Variants in FER observed in about 807,000 individuals in gnomAD.
FER encodes the protein tyrosine-protein kinase Fer.
A neutral mutation model predicts 111.0 loss-of-function variants in FER; 63 were observed. The observed-to-expected ratio is 0.57, with a 90% CI of 0.46 to 0.70. FER has a LOEUF of 0.70. Among genes scored for constraint, FER ranks in the 30% least tolerant of loss-of-function variants. FER has a pLI of 0.00. For synonymous variants in FER, 327 were observed against 313.9 expected, an observed-to-expected ratio of 1.04 and a Z score of -0.44; for missense variants, 914 against 954.0, an observed-to-expected ratio of 0.96 and a Z score of 0.55.
chr5:109,085,640 A>G (rs1777481813), intron 16 of FER, among the ~76,000 whole-genome samples: 1 of 151,704 alleles, frequency 6.6e-6, no homozygotes, highest in Non-Finnish European at 1.5e-5. Context: ...ATTCTGAGAG[A>G]TAAGTGTTCA....
At chr5:109,184,982 T>C (rs561286668) in intron 18 of FER, among the ~76,000 whole-genome samples, 181 of 152,312 alleles carry the variant, frequency 1.2e-3, no homozygotes, top group African/African-American at 3.8e-3. Context: ...TGAAATAACT[T>C]AAGAAATCTT....
intron 11 of FER, among the ~76,000 whole-genome samples, chr5:108,951,186 C>T (rs1757690131): frequency 6.6e-6 from 1 of 152,008 alleles, no homozygotes; most frequent in Admixed American, 6.6e-5. Flanking sequence ...ATCACTTGGA[C>T]CCAGGAGGCA....
At chr5:108,910,718 A>C (rs1751431271) in intron 10 of FER, among the ~76,000 whole-genome samples, 1 of 152,006 alleles carries the variant, frequency 6.6e-6, no homozygotes, top group Non-Finnish European at 1.5e-5. Flanking sequence ...CCTGCTTATA[A>C]GTGAGAACAT....
intron 3 of FER, among the ~76,000 whole-genome samples, chr5:108,799,882 G>C (rs145102360): frequency 7.1e-4 from 99 of 140,420 alleles, no homozygotes; most frequent in Admixed American, 1.7e-3. Flanking sequence ...TCACTTTCTC[G>C]CCCAGGCTGG....
intron 13 of FER, among the ~76,000 whole-genome samples, chr5:109,030,180 T>G (rs1216163225): frequency 4.6e-5 from 7 of 152,212 alleles, no homozygotes; most frequent in Middle Eastern, 6.3e-3. Flanking sequence ...TTTTAATAAC[T>G]TCTGTTTCTA....
intron 3 of FER, among the ~76,000 whole-genome samples, chr5:108,802,001 G>A (rs1450513462): frequency 6.6e-6 from 1 of 152,182 alleles, no homozygotes; most frequent in East Asian, 1.9e-4. Context: ...AGAGTGGGGA[G>A]GCTAGGTATT....
At chr5:108,894,347 C>G (rs376289157) in intron 9 of FER, 7 of 980,616 alleles carry the variant, frequency 7.1e-6, no homozygotes, top group East Asian at 1.1e-4. Context: ...GGAGCCATCA[C>G]TGTTTCTGCT....
At chr5:108,833,640 C>G (rs540612577) in intron 4 of FER, among the ~76,000 whole-genome samples, 1 of 151,834 alleles carries the variant, frequency 6.6e-6, no homozygotes, top group Non-Finnish European at 1.5e-5. Context: ...TTTGGGAGGC[C>G]GAGGAAGGCG....
chr5:109,180,496 G>A (rs889621872), intron 17 of FER, among the ~76,000 whole-genome samples: 1 of 151,954 alleles, frequency 6.6e-6, no homozygotes. Flanking sequence ...AGCTAGAATC[G>A]GTGTTTTTCT....
At chr5:109,029,382 G>A (rs1478160073) in intron 13 of FER, among the ~76,000 whole-genome samples, 1 of 147,316 alleles carries the variant, frequency 6.8e-6, no homozygotes, top group South Asian at 2.2e-4. Context: ...TATCTCCCAA[G>A]GCTTTCTTTA....
chr5:108,909,312 A>G (rs1405088147), intron 10 of FER, among the ~76,000 whole-genome samples: 1 of 152,210 alleles, frequency 6.6e-6, no homozygotes, highest in East Asian at 1.9e-4. Flanking sequence ...CTCATTATAC[A>G]TATTTAAAAG....
At chr5:109,147,174 A>G (rs756625310) in intron 17 of FER, among the ~76,000 whole-genome samples, 16 of 151,608 alleles carry the variant, frequency 1.1e-4, no homozygotes, top group Non-Finnish European at 1.9e-4. Context: ...ACAAAAAATT[A>G]ACATTTAAAA....
intron 16 of FER, among the ~76,000 whole-genome samples, chr5:109,086,674 C>T (rs1186945047): frequency 6.6e-6 from 1 of 151,480 alleles, no homozygotes; most frequent in Non-Finnish European, 1.5e-5. Flanking sequence ...TCCCTCCTAG[C>T]ACTGTTTAGC....
intron 10 of FER, among the ~76,000 whole-genome samples, chr5:108,928,200 G>A (rs1000273835): frequency 1.3e-5 from 2 of 152,126 alleles, no homozygotes; most frequent in Admixed American, 6.5e-5. Flanking sequence ...AGTTTATGAA[G>A]GTAGAAGAAT....
At chr5:109,076,348 A>G (rs1033390590) in intron 16 of FER, among the ~76,000 whole-genome samples, 2 of 152,148 alleles carry the variant, frequency 1.3e-5, no homozygotes, top group African/African-American at 4.8e-5. Context: ...ATTTTCTCTT[A>G]GTGGTCATTT....
chr5:108,792,688 T>C (rs2150028756), intron 2 of FER, among the ~76,000 whole-genome samples: 1 of 152,186 alleles, frequency 6.6e-6, no homozygotes, highest in East Asian at 1.9e-4. Flanking sequence ...CTTTTTTTTT[T>C]TGTAAAATTT....
intron 9 of FER, among the ~76,000 whole-genome samples, chr5:108,893,561 C>G (rs1374088787): frequency 6.6e-6 from 1 of 152,038 alleles, no homozygotes; most frequent in Non-Finnish European, 1.5e-5. Flanking sequence ...CTCTCAGAAG[C>G]AGGCATAGTA....
At chr5:109,151,767 G>T (rs1370278776) in intron 17 of FER, among the ~76,000 whole-genome samples, 3 of 152,078 alleles carry the variant, frequency 2.0e-5, no homozygotes, top group Non-Finnish European at 4.4e-5. Context: ...CAGTCCAGTG[G>T]ACATTTTTAC....
intron 17 of FER, among the ~76,000 whole-genome samples, chr5:109,178,985 T>G (rs1041696312): frequency 3.3e-5 from 5 of 152,196 alleles, no homozygotes; most frequent in African/African-American, 9.6e-5. Flanking sequence ...TTGTCTTTTG[T>G]TAGATTTATT....
Sources: allele counts gnomAD v4.1 joint callset (sites outside exome capture counted in the v4.1 genomes callset), GRCh38; gene constraint gnomAD v4.1.1; transcripts MANE v1.5; gene names NCBI Gene and HGNC (gene_info 2026-07-23, HGNC 2026-07-21).